The following WLS variants were observed in gnomAD, a reference collection of about 807,000 sequenced individuals.
WLS encodes Wnt ligand secretion mediator.
In WLS, 23 loss-of-function variants were observed where a neutral mutation model predicts 62.8. That is an observed-to-expected ratio of 0.37 (90% confidence interval 0.26 to 0.52). The LOEUF (loss-of-function observed/expected upper bound fraction) is 0.52, where lower values mean the gene tolerates loss of function less well. Among genes scored for constraint, WLS ranks in the 20% least tolerant of loss-of-function variants. WLS has a pLI of 0.92. For missense variants in WLS, 615 were observed against 697.3 expected (o/e 0.88, Z 1.33); for synonymous variants, 246 against 244.1 (o/e 1.01, Z -0.07).
Position 68,194,096 on chromosome 1 carries a change from C to A in WLS, c.238G>T (p.Ala80Ser), listed in dbSNP as rs1648523080. 6.2e-7 allele frequency: 1 copy of A among 1,614,020 alleles called. No homozygotes were observed. The highest frequency in any genetic ancestry group is 1.3e-5 in the African/African-American group (1 of 74,894). ...HCDKIRDIEEAIPREIEANDI... is the reference protein window; with the variant it reads ...HCDKIRDIEESIPREIEANDI... ...TTGGCTTCAATTTCCCTTGGAATTG[C>A]CTCTTCAATGTCTCGGATCTTGTCA... Residue 80 changes from alanine (A) to serine (S), a missense_variant, in exon 2 of 12, where the codon GCA becomes TCA. Ala to Ser is a moderately conservative substitution (Grantham distance 99, BLOSUM62 1). Coordinates refer to ENST00000262348, the MANE Select transcript of WLS (RefSeq NM_024911.7).
chr1:68,201,785 G>A (rs1649031732), intron 1 of WLS, among the ~76,000 whole-genome samples: 2 of 152,140 alleles, frequency 1.3e-5, no homozygotes, highest in Non-Finnish European at 2.9e-5. Context: ...ACATAGCAGA[G>A]TTGAATGCAA....
chr1:68,109,695 GATT>G (rs1336218660), intron 11 of WLS, among the ~76,000 whole-genome samples: 1 of 151,964 alleles, frequency 6.6e-6, no homozygotes, highest in East Asian at 1.9e-4. Flanking sequence ...AGGAAAAAAA[GATT>G]ATAAATAAGA....
At chr1:68,149,599 A>C (rs1424824129) in intron 6 of WLS, among the ~76,000 whole-genome samples, 1 of 152,230 alleles carries the variant, frequency 6.6e-6, no homozygotes. Context: ...CAATGTGATG[A>C]TGACACCATT....
At position 68,232,441 on chromosome 1, in the gene WLS, A is replaced by G; in HGVS notation, c.-142T>C. ...TCAGAGGTGCTGGAGCGCGGCGAGGATGGGACCGGGACGGAAGGCGCCCGC... is the reference window on the plus strand; with the variant it reads ...TCAGAGGTGCTGGAGCGCGGCGAGGGTGGGACCGGGACGGAAGGCGCCCGC... On this transcript the variant is annotated 5_prime_UTR_variant, in exon 1 of 12. Coordinates refer to ENST00000262348, the MANE Select transcript of WLS (RefSeq NM_024911.7). 1 of 1,421,376 alleles carries G rather than the reference A, an allele frequency of 7.0e-7. No individual in the cohort carries two copies. Among genetic ancestry groups the G allele is most frequent in the Non-Finnish European group, 9.2e-7 (1 of 1,087,198 alleles). The allele number at this position is 1,421,376 out of a possible 1,614,324, so 88.0% of individuals were successfully genotyped here. A position where few individuals can be genotyped will look rare whatever the true frequency, so the allele number is the denominator to read the frequency against.
At chr1:68,131,431 C>T (rs1646522847) in intron 11 of WLS, among the ~76,000 whole-genome samples, 1 of 151,874 alleles carries the variant, frequency 6.6e-6, no homozygotes, top group Non-Finnish European at 1.5e-5. Flanking sequence ...GATAGCTCAG[C>T]TTTGAGGATC....
intron 1 of WLS, among the ~76,000 whole-genome samples, chr1:68,221,775 A>G (rs1649951147): frequency 6.6e-6 from 1 of 152,208 alleles, no homozygotes; most frequent in Non-Finnish European, 1.5e-5. Flanking sequence ...AGAAAAACAT[A>G]GTGCTTCGTG....
At chr1:68,131,224 C>G (rs1474677231) in intron 11 of WLS, among the ~76,000 whole-genome samples, 4 of 148,910 alleles carry the variant, frequency 2.7e-5, no homozygotes, top group Non-Finnish European at 5.9e-5. Flanking sequence ...TTTTTTTTTC[C>G]AAAGAAAGTA....
At chr1:68,105,188 C>G (rs1268339161) in intron 11 of WLS, among the ~76,000 whole-genome samples, 1 of 152,160 alleles carries the variant, frequency 6.6e-6, no homozygotes, top group Non-Finnish European at 1.5e-5. Context: ...GTTTTGCTTT[C>G]TTTGATCTGT....
intron 11 of WLS, among the ~76,000 whole-genome samples, chr1:68,133,136 T>TTTAGCAATCTATA (rs1646554792): frequency 6.6e-6 from 1 of 152,182 alleles, no homozygotes; most frequent in South Asian, 2.1e-4. Flanking sequence ...ATATCTTTGC[T>TTTAGCAATCTATA]AAATTTAAAA....
intron 11 of WLS, among the ~76,000 whole-genome samples, chr1:68,104,640 T>C (rs1646121382): frequency 6.6e-6 from 1 of 152,224 alleles, no homozygotes; most frequent in Non-Finnish European, 1.5e-5. Flanking sequence ...CCTGGTGCGA[T>C]GGCTTGCACC....
At chr1:68,191,313 C>T (rs1049421501) in intron 2 of WLS, among the ~76,000 whole-genome samples, 1 of 151,966 alleles carries the variant, frequency 6.6e-6, no homozygotes, top group African/African-American at 2.4e-5. Context: ...GGTAATCTAC[C>T]TATCTCATCC....
At chr1:68,113,619 C>T (rs574411737) in intron 11 of WLS, among the ~76,000 whole-genome samples, 8 of 152,282 alleles carry the variant, frequency 5.3e-5, no homozygotes, top group African/African-American at 1.2e-4. Context: ...GTGGCAGACA[C>T]ATCTCTTAGA....
At position 68,126,213 on chromosome 1, in the gene WLS, G is replaced by T; in HGVS notation, c.*13C>A. On this transcript the variant is annotated 3_prime_UTR_variant, in exon 12 of 12. Coordinates refer to ENST00000262348, the MANE Select transcript of WLS (RefSeq NM_024911.7). ...GGTATGGAGAGACCGTCCCAGCCGG[G>T]CGCTGCAGCCTCCTACTCCTGGGCC... 2 of 1,614,028 alleles carry T rather than the reference G, an allele frequency of 1.2e-6. No homozygotes were observed. The highest frequency in any genetic ancestry group is 1.7e-4 in the Middle Eastern group (1 of 6,058).
intron 11 of WLS, among the ~76,000 whole-genome samples, chr1:68,103,323 G>A (rs1331161476): frequency 2.0e-5 from 3 of 152,214 alleles, no homozygotes; most frequent in Admixed American, 1.3e-4. Flanking sequence ...AACTGACTGG[G>A]AAGCAGGTGA....
intron 2 of WLS, 48 bp from the exon 3 acceptor site, chr1:68,159,295 T>C (rs777926648): frequency 6.3e-7 from 1 of 1,587,816 alleles, no homozygotes; most frequent in South Asian, 1.2e-5. Flanking sequence ...TGGAAAGATA[T>C]TTTAGAAACA....
At chr1:68,215,468 CA>C (rs1217763781) in intron 1 of WLS, among the ~76,000 whole-genome samples, 2 of 152,086 alleles carry the variant, frequency 1.3e-5, no homozygotes, top group Non-Finnish European at 2.9e-5. Flanking sequence ...GGCTAACATG[CA>C]AAGAGATAGA....
intron 2 of WLS, among the ~76,000 whole-genome samples, chr1:68,171,785 C>T (rs1277029477): frequency 6.6e-6 from 1 of 152,154 alleles, no homozygotes; most frequent in African/African-American, 2.4e-5. Flanking sequence ...ACCAGAAATA[C>T]CATTTGAACT....
intron 2 of WLS, among the ~76,000 whole-genome samples, chr1:68,182,225 G>A (rs757326118): frequency 6.6e-5 from 10 of 152,166 alleles, no homozygotes; most frequent in Admixed American, 2.0e-4. Flanking sequence ...TTTTTCATTT[G>A]CAAATACTTA....
chr1:68,102,817 A>T (rs1409393786), intron 11 of WLS: 1 of 152,320 alleles, frequency 6.6e-6, no homozygotes, highest in Non-Finnish European at 1.5e-5. Context: ...GCATTGCCCA[A>T]GGTGGCTTGA....
Sources: gnomAD v4.1 joint callset for allele counts (sites outside exome capture counted in the v4.1 genomes callset) on GRCh38, gnomAD v4.1.1 for gene constraint, MANE v1.5 for transcripts, NCBI Gene and HGNC (gene_info 2026-07-23, HGNC 2026-07-21) for gene names.